VCAN: variants seen among roughly 807,000 people sequenced by gnomAD.
VCAN encodes the protein versican, also known as versican core protein.
In VCAN, 44 loss-of-function variants were observed where a neutral mutation model predicts 245.5. That is an observed-to-expected ratio of 0.18 (90% confidence interval 0.14 to 0.23). The LOEUF (loss-of-function observed/expected upper bound fraction) is 0.23. Ranked by LOEUF, VCAN falls within the 10% of genes least tolerant of loss-of-function variation. The pLI, the probability that VCAN is intolerant of heterozygous loss-of-function variation, is 1.00. For synonymous variants in VCAN, 1,413 were observed against 1,437.0 expected, an observed-to-expected ratio of 0.98 and a Z score of 0.38; for missense variants, 3,793 against 4,057.9, an observed-to-expected ratio of 0.93 and a Z score of 1.77.
intron 1 of VCAN, among the ~76,000 whole-genome samples, chr5:83,473,033 C>T (rs1744251006): frequency 6.6e-6 from 1 of 152,186 alleles, no homozygotes; most frequent in Non-Finnish European, 1.5e-5. Flanking sequence ...CTTACATATT[C>T]CCCACCCTCT....
intron 1 of VCAN, among the ~76,000 whole-genome samples, chr5:83,481,244 CTTTTTTT>C (rs202012593): frequency 7.5e-6 from 1 of 132,514 alleles, no homozygotes; most frequent in African/African-American, 2.7e-5. Context: ...TCTTTAATTT[CTTTTTTT>C]TTTTTTTTTT....
chr5:83,508,137 T>C (rs1745536148), intron 5 of VCAN, among the ~76,000 whole-genome samples: 1 of 152,216 alleles, frequency 6.6e-6, no homozygotes, highest in Non-Finnish European at 1.5e-5. Context: ...ACTTGCAGCC[T>C]TTGACATAAT....
rs1031057228 is a variant in VCAN at position 83,580,742 on chromosome 5, A to C, written c.*308A>C. The C allele has an allele frequency of 1.2e-4, 46 of 374,634 alleles. 2 individuals carry two copies. The highest frequency in any genetic ancestry group is 7.4e-4 in the South Asian group (32 of 43,002). The allele number at this position is 374,634 out of a possible 1,614,324, so 23.2% of individuals were successfully genotyped here. ...TATACCAGCCTACTGTACTATTTAA[A>C]ATGCTCAATTTCAGCACCGATGGCC... On this transcript the variant is annotated 3_prime_UTR_variant, in exon 15 of 15. Transcript: ENST00000265077.
intron 1 of VCAN, among the ~76,000 whole-genome samples, chr5:83,472,386 G>T (rs1744226341): frequency 6.6e-6 from 1 of 152,112 alleles, no homozygotes; most frequent in Non-Finnish European, 1.5e-5. Context: ...TTGGCACTTT[G>T]ATTTTTTTGT....
chr5:83,483,383 C>T, intron 1 of VCAN, 130 bp from the exon 2 acceptor site: 1 of 727,418 alleles, frequency 1.4e-6, no homozygotes, highest in East Asian at 2.7e-5. Flanking sequence ...AGAGGAGCTA[C>T]TTCTTCTACT....
chr5:83,529,673 T>C (rs1002901508), intron 7 of VCAN, among the ~76,000 whole-genome samples: 3 of 152,066 alleles, frequency 2.0e-5, no homozygotes, highest in African/African-American at 7.2e-5. Context: ...CAGGCCTCAG[T>C]TGTTATATAA....
At chr5:83,514,810 A>T (rs1270780757) in intron 6 of VCAN, among the ~76,000 whole-genome samples, 1 of 152,130 alleles carries the variant, frequency 6.6e-6, no homozygotes. Flanking sequence ...GACTTAATTG[A>T]TGTCCACCTT....
At chr5:83,523,571 G>C (rs1455373028) in intron 7 of VCAN, among the ~76,000 whole-genome samples, 1 of 152,082 alleles carries the variant, frequency 6.6e-6, no homozygotes, top group Non-Finnish European at 1.5e-5. Flanking sequence ...ATGTAGTGCT[G>C]TTGGTGGACA....
At chr5:83,475,536 A>G (rs535136854) in intron 1 of VCAN, among the ~76,000 whole-genome samples, 4 of 152,330 alleles carry the variant, frequency 2.6e-5, no homozygotes, top group Non-Finnish European at 5.9e-5. Context: ...GAAGGTACCA[A>G]TGGAAGCAAC....
intron 6 of VCAN, among the ~76,000 whole-genome samples, chr5:83,518,133 A>G (rs965884639): frequency 6.6e-6 from 1 of 152,190 alleles, no homozygotes; most frequent in African/African-American, 2.4e-5. Context: ...AACTAGCTTT[A>G]AGTCCTATAG....
rs188791126 is a variant in VCAN at position 83,496,885 on chromosome 5, A to C, written c.748+2954A>C. On this transcript the variant is annotated intron_variant, in intron 5 of 14. Coordinates refer to ENST00000265077, the MANE Select transcript of VCAN (RefSeq NM_004385.5). ...AAAATTCTTGTGGAAAGTTGACTAC[A>C]TAAAATTACGTCTGGTATTTCAATT... Among the ~76,000 whole-genome samples the C allele has an allele frequency of 6.0e-3, 919 of 152,358 alleles. 4 individuals carry two copies. The highest frequency in any genetic ancestry group is 0.011 in the Non-Finnish European group (756 of 68,038).
chr5:83,519,587 T>C lies in VCAN; in HGVS notation c.1281T>C (p.Thr427=), dbSNP rs144399722. The C allele has an allele frequency of 2.1e-4, 339 of 1,614,130 alleles. No homozygotes were observed. In the African/African-American group the frequency reaches 4.2e-3, roughly 20 times the overall value. The change falls in exon 7 of 15, where the codon ACT becomes ACC. Residue 427 remains threonine, a synonymous_variant. Transcript: ENST00000265077. The stretch of plus-strand genomic sequence containing the variant: ...TAGCCACCAAATTACCCACACCTAC[T>C]GGCAGTACCAAGAAGCCCTGGGATA... The part of the protein sequence containing the change: ...DSLATKLPTP[T]GSTKKPWDMD...
At chr5:83,547,868 A>C in intron 9 of VCAN, 103 bp from the exon 10 acceptor site, 1 of 841,360 alleles carries the variant, frequency 1.2e-6, no homozygotes, top group South Asian at 1.4e-5. Flanking sequence ...CTGAAATTCA[A>C]ATTTAACTGG....
In VCAN at chr5:83,538,467, A is replaced by G. The variant is rs1192830204; in HGVS notation, c.5464A>G (p.Thr1822Ala). The G allele has an allele frequency of 6.2e-7, 1 of 1,613,982 alleles. No individual in the cohort carries two copies. Among genetic ancestry groups the G allele is most frequent in the Non-Finnish European group, 8.5e-7 (1 of 1,179,954 alleles). ...IHQPGVQEGL[T>A]TLPRSPASVF... ...TCAACCTGGGGTTCAGGAAGGGCTG[A>G]CCACTCTCCCACGTAGTCCTGCCTC... Residue 1822 changes from threonine (T) to alanine (A), a missense_variant, in exon 8 of 15, where the codon ACC (threonine) becomes GCC (alanine). Transcript: ENST00000265077.
chr5:83,521,072 A>G lies in VCAN; in HGVS notation c.2766A>G (p.Gly922=). ...GCCAAGTTTATGCAACCATGGAAGG[A>G]AGTGCTTTGGGTGAAGTAGAAGATG... ...TEGQVYATME[G]SALGEVEDVD... Residue 922 remains glycine (G), a synonymous_variant, in exon 7 of 15, where the codon GGA becomes GGG. Transcript: ENST00000265077. 1 of 1,614,148 alleles carries G rather than the reference A, an allele frequency of 6.2e-7. No individual in the cohort carries two copies. The highest frequency in any genetic ancestry group is 8.5e-7 in the Non-Finnish European group (1 of 1,179,988).
intron 12 of VCAN, among the ~76,000 whole-genome samples, chr5:83,564,372 T>C (rs940116110): frequency 7.2e-5 from 11 of 152,174 alleles, no homozygotes; most frequent in African/African-American, 2.4e-4. Flanking sequence ...TACACCCAGA[T>C]ACACACAAGA....
rs199594658 is a variant in VCAN at position 83,521,639 on chromosome 5, G to T, written c.3333G>T (p.Glu1111Asp). ...CTTATCCACCAGGTGCTGTAACTGA[G>T]CACAAAGTGAAAACAGATGAAGTGG... ...SVSYPPGAVT[E>D]HKVKTDEVVT... Residue 1111 changes from glutamate to aspartate, a missense_variant, in exon 7 of 15, where the codon GAG becomes GAT. Physicochemically the swap from Glu to Asp is conservative, Grantham distance 45. Coordinates refer to ENST00000265077, the MANE Select transcript of VCAN (RefSeq NM_004385.5). 2 of 1,613,876 alleles carry T rather than the reference G, an allele frequency of 1.2e-6. No homozygotes were observed. The highest frequency in any genetic ancestry group is 1.7e-6 in the Non-Finnish European group (2 of 1,180,022).
At position 83,541,961 on chromosome 5, in the gene VCAN, C is replaced by T. The variant is rs1402366948; in HGVS notation, c.8958C>T (p.Val2986=). The T allele has an allele frequency of 2.0e-5, 33 of 1,613,836 alleles. No individual in the cohort carries two copies. Among genetic ancestry groups the T allele is most frequent in the Non-Finnish European group, 2.5e-5 (29 of 1,179,958 alleles). The change falls in exon 8 of 15, where the codon GTC becomes GTT. Residue 2986 remains valine (V), a synonymous_variant. Coordinates refer to ENST00000265077, the MANE Select transcript of VCAN (RefSeq NM_004385.5). ...HSTSASATYG[V]EAGVVPWLSP... ...CTTCTGCTTCTGCCACCTATGGGGT[C>T]GAGGCAGGTGTGGTGCCTTGGCTAA...
rs1745984246 is a variant in VCAN, at chr5:83,519,419, A to G, written c.1113A>G (p.Pro371=). The stretch of plus-strand genomic sequence containing the variant: ...CATCACCCAGTTTATCCAAAGAACC[A>G]CAAATGGTTTCTGATAGAACTACAC... ...ETASPSLSKE[P]QMVSDRTTPI... is the part of the protein sequence containing the mutation. The change falls in exon 7 of 15, where the codon CCA becomes CCG. Residue 371 remains proline, a synonymous_variant. Coordinates refer to ENST00000265077, the MANE Select transcript of VCAN (RefSeq NM_004385.5). 6.2e-7 allele frequency: 1 copy of G among 1,614,122 alleles called. No individual in the cohort carries two copies. Among genetic ancestry groups the G allele is most frequent in the Non-Finnish European group, 8.5e-7 (1 of 1,179,938 alleles).
Sources: allele counts gnomAD v4.1 joint callset (sites outside exome capture counted in the v4.1 genomes callset), GRCh38; gene constraint gnomAD v4.1.1; transcripts MANE v1.5; gene names NCBI Gene and HGNC (gene_info 2026-07-23, HGNC 2026-07-21).